Variants in ANKH observed in about 807,000 individuals in gnomAD.
ANKH encodes the protein mineralization regulator ANKH.
Under a neutral mutation model 49.0 loss-of-function variants are expected in ANKH, and 15 were observed. The ratio of observed to expected loss-of-function variants is 0.31; its 90% CI spans 0.20 to 0.47. The LOEUF is 0.47. ANKH is among the 20% of genes least tolerant of loss of function. The pLI, the probability that ANKH is intolerant of heterozygous loss-of-function variation, is 1.00. For synonymous variants in ANKH, 273 were observed against 260.0 expected, an observed-to-expected ratio of 1.05 and a Z score of -0.48; for missense variants, 429 against 652.0, an observed-to-expected ratio of 0.66 and a Z score of 3.72.
intron 1 of ANKH, among the ~76,000 whole-genome samples, chr5:14,801,458 G>A (rs1740565017): frequency 6.6e-6 from 1 of 152,212 alleles, no homozygotes; most frequent in East Asian, 1.9e-4. Flanking sequence ...AATAGGTGCT[G>A]TGTATAAAAA....
Position 14,726,214 on chromosome 5 carries a change from G to A in ANKH, c.1012-9379C>T, listed in dbSNP as rs373616926. ...GGACACTATTAGATAACACTATGCT[G>A]TCTTGCTCGACTTTCCAGAGAGAGC... On this transcript the variant is annotated intron_variant, in intron 8 of 11. Coordinates refer to ENST00000284268, the MANE Select transcript of ANKH (RefSeq NM_054027.6). 3.2e-4 allele frequency among the ~76,000 whole-genome samples: 48 copies of A among 152,322 alleles called. 1 individual carries two copies. The highest frequency in any genetic ancestry group is 1.1e-3 in the African/African-American group (46 of 41,566).
chr5:14,856,807 C>G (rs376700276), intron 1 of ANKH, among the ~76,000 whole-genome samples: 2 of 152,126 alleles, frequency 1.3e-5, no homozygotes, highest in Admixed American at 1.3e-4. Flanking sequence ...GCATGAGCCA[C>G]GAGTCAGACA....
At chr5:14,841,114 G>T (rs770458215) in intron 1 of ANKH, among the ~76,000 whole-genome samples, 10 of 151,730 alleles carry the variant, frequency 6.6e-5, no homozygotes, top group Non-Finnish European at 1.2e-4. Flanking sequence ...TCATTAGGTA[G>T]AACTGAGCAA....
At chr5:14,859,524 T>C (rs1287041564) in intron 1 of ANKH, among the ~76,000 whole-genome samples, 1 of 152,212 alleles carries the variant, frequency 6.6e-6, no homozygotes, top group African/African-American at 2.4e-5. Context: ...CTCCACCTGC[T>C]GAAAAGCCAC....
chr5:14,826,699 T>C (rs1005697437), intron 1 of ANKH, among the ~76,000 whole-genome samples: 1 of 152,264 alleles, frequency 6.6e-6, no homozygotes, highest in African/African-American at 2.4e-5. Context: ...CACTGGAATT[T>C]GACTGTTGCA....
At chr5:14,832,885 CT>C (rs1741543217) in intron 1 of ANKH, among the ~76,000 whole-genome samples, 2 of 152,194 alleles carry the variant, frequency 1.3e-5, no homozygotes, top group African/African-American at 4.8e-5. Flanking sequence ...AACACCTAAG[CT>C]TTCTGAAAAG....
In ANKH at chr5:14,707,588, G is replaced by C. The variant is rs979312777; in HGVS notation, c.*3609C>G. 6.6e-6 allele frequency: 1 copy of C among 152,236 alleles called. No individual in the cohort carries two copies. Among genetic ancestry groups the C allele is most frequent in the African/African-American group, 2.4e-5 (1 of 41,448 alleles). The allele number at this position is 152,236 out of a possible 1,614,324, so 9.4% of individuals were successfully genotyped here. On this transcript the variant is annotated 3_prime_UTR_variant, in exon 12 of 12. Transcript: ENST00000284268. ...GCTGCGACGCATCCTGGCGTCTGGAGAACTCAGCCCAACTCTGTCACTACC... is the reference window on the plus strand; with the variant it reads ...GCTGCGACGCATCCTGGCGTCTGGACAACTCAGCCCAACTCTGTCACTACC...
chr5:14,774,879 G>A (rs73048895), intron 1 of ANKH, among the ~76,000 whole-genome samples: 2,639 of 132,904 alleles, frequency 0.02, 64 homozygotes, highest in African/African-American at 0.064. Context: ...GAAGTAAAAC[G>A]TATACAAATA....
intron 8 of ANKH, among the ~76,000 whole-genome samples, chr5:14,729,486 CA>C (rs56836903): frequency 0.077 from 9,424 of 122,090 alleles, 375 homozygotes; most frequent in East Asian, 0.21. Flanking sequence ...CGCGCCTGAC[CA>C]AAAAAAAAAA....
rs1208707133 is a variant in ANKH, at chr5:14,713,052, G to A, written c.1266-79C>T. ...ACCGTCGATGCCAAAACCCAGGAAA[G>A]TAAGTGTAGCCTCGAGACGGCTGAG... On this transcript the variant is annotated intron_variant, in intron 10 of 11. Transcript: ENST00000284268. This position sits in a 1 kb window ranked among gnomAD's most constrained non-coding sequence, Gnocchi z 4.4. 3 of 1,389,816 alleles carry A rather than the reference G, an allele frequency of 2.2e-6. No homozygotes were observed. The highest frequency in any genetic ancestry group is 1.4e-5 in the African/African-American group (1 of 70,368). 86.1% of individuals were successfully genotyped at this position (1,389,816 alleles called of 1,614,324 possible).
intron 4 of ANKH, among the ~76,000 whole-genome samples, chr5:14,754,492 A>G (rs1580040273): frequency 1.3e-5 from 2 of 152,226 alleles, no homozygotes; most frequent in Admixed American, 1.3e-4. Context: ...CATCTCCCAT[A>G]GGATACAGAA....
intron 1 of ANKH, among the ~76,000 whole-genome samples, chr5:14,857,785 C>T (rs924555488): frequency 2.6e-5 from 4 of 152,184 alleles, no homozygotes; most frequent in African/African-American, 9.7e-5. Context: ...CTCAAAGTCA[C>T]AGGGCAATAA....
rs1447463764 is a variant in ANKH at position 14,840,066 on chromosome 5, T to C, written c.96+31286A>G. ...ATAAGCAAAGGAATATACAAGAAGT[T>C]CTTAAATATACAAGAAGTCCTTTAA... On this transcript the variant is annotated intron_variant, in intron 1 of 11. Coordinates refer to ENST00000284268, the MANE Select transcript of ANKH (RefSeq NM_054027.6). Among the ~76,000 whole-genome samples the C allele has an allele frequency of 2.6e-5, 4 of 152,188 alleles. No homozygotes were observed. In the East Asian group the frequency reaches 7.7e-4, roughly 29 times the overall value.
chr5:14,721,954 AG>A (rs1737684958), intron 8 of ANKH, among the ~76,000 whole-genome samples: 2 of 150,538 alleles, frequency 1.3e-5, no homozygotes, highest in Admixed American at 1.3e-4. Flanking sequence ...AAAAAAAAAA[AG>A]TGGGTATGGT....
intron 8 of ANKH, chr5:14,717,138 T>C (rs942145583): frequency 1.3e-5 from 5 of 392,400 alleles, no homozygotes; most frequent in African/African-American, 2.1e-5. Context: ...CCAGTGTGCT[T>C]TGGGGCAAGG....
intron 1 of ANKH, chr5:14,798,209 A>G: frequency 6.3e-7 from 1 of 1,594,002 alleles, no homozygotes; most frequent in Non-Finnish European, 8.6e-7. Context: ...GGACAAGTCG[A>G]TGAAGGCTGA....
At chr5:14,816,222 T>C (rs1486994165) in intron 1 of ANKH, among the ~76,000 whole-genome samples, 1 of 152,230 alleles carries the variant, frequency 6.6e-6, no homozygotes, top group Non-Finnish European at 1.5e-5. Context: ...GAAGTCATTG[T>C]CTTAGGACAG....
At chr5:14,865,492 C>T (rs771260187) in intron 1 of ANKH, among the ~76,000 whole-genome samples, 1 of 152,144 alleles carries the variant, frequency 6.6e-6, no homozygotes, top group Non-Finnish European at 1.5e-5. Context: ...AAGTCTCCCT[C>T]ACAGTGACTC....
chr5:14,846,150 C>T (rs973697768), intron 1 of ANKH, among the ~76,000 whole-genome samples: 1 of 152,160 alleles, frequency 6.6e-6, no homozygotes, highest in Non-Finnish European at 1.5e-5. Flanking sequence ...AGCCACCGCG[C>T]CCGGCCGTAA....
Sources: allele counts gnomAD v4.1 joint callset (sites outside exome capture counted in the v4.1 genomes callset), GRCh38; gene constraint gnomAD v4.1.1; non-coding constraint Gnocchi (gnomAD v3.1); transcripts MANE v1.5; gene names NCBI Gene and HGNC (gene_info 2026-07-23, HGNC 2026-07-21).